VWA8: variants seen among roughly 807,000 people sequenced by gnomAD.
The protein encoded by VWA8 is von Willebrand factor A domain-containing protein 8.
VWA8 carries 221 observed loss-of-function variants against 241.5 expected under a neutral mutation model. The ratio of observed to expected loss-of-function variants is 0.91; its 90% CI spans 0.82 to 1.02. The LOEUF is 1.02. VWA8 is among the 50% of genes least tolerant of loss of function. The pLI is 0.00. For missense variants in VWA8, 2,322 were observed against 2,328.7 expected, an observed-to-expected ratio of 1.00 and a Z score of 0.06; for synonymous variants, 852 against 827.1, an observed-to-expected ratio of 1.03 and a Z score of -0.52.
At chr13:41,910,476 T>A (rs184920372) in intron 3 of VWA8, among the ~76,000 whole-genome samples, 1 of 151,266 alleles carries the variant, frequency 6.6e-6, no homozygotes, top group East Asian at 1.9e-4. Flanking sequence ...TCCCAGCTAA[T>A]GAGAAGCTGA....
chr13:41,824,928 T>A (rs532922853), intron 14 of VWA8, among the ~76,000 whole-genome samples: 2 of 151,776 alleles, frequency 1.3e-5, no homozygotes, highest in East Asian at 1.9e-4. Context: ...AGTATATCAA[T>A]GACAGATAAG....
intron 21 of VWA8, among the ~76,000 whole-genome samples, chr13:41,757,428 C>A (rs974204332): frequency 1.3e-5 from 2 of 151,710 alleles, no homozygotes; most frequent in African/African-American, 4.8e-5. Context: ...TATTAGTCTT[C>A]TTTTCAAAAA....
chr13:41,636,825 C>T (rs1268223749), intron 37 of VWA8, among the ~76,000 whole-genome samples: 1 of 152,160 alleles, frequency 6.6e-6, no homozygotes, highest in Non-Finnish European at 1.5e-5. Flanking sequence ...TGTTCATCAT[C>T]ACTGGCCATC....
At position 41,879,935 on chromosome 13, in the gene VWA8, A is replaced by G. The variant is rs79209599; in HGVS notation, c.1080+3452T>C. Among the ~76,000 whole-genome samples the G allele has an allele frequency of 6.8e-3, 1,033 of 152,332 alleles. 14 individuals carry two copies. Among genetic ancestry groups the G allele is most frequent in the African/African-American group, 0.024 (986 of 41,578 alleles). On this transcript the variant is annotated intron_variant, in intron 9 of 44. Transcript: ENST00000379310. ...CACACCTTGAGCCAAACCATGTAAG[A>G]AAAACAAAAACCATCTTTCATATGG... is the stretch of plus-strand genomic sequence containing the variant.
intron 40 of VWA8, among the ~76,000 whole-genome samples, chr13:41,594,603 C>CG (rs1231476340): frequency 1.3e-5 from 2 of 151,966 alleles, no homozygotes; most frequent in Non-Finnish European, 2.9e-5. Flanking sequence ...GTCAAGATGA[C>CG]GGGTAGAGGG....
At chr13:41,620,571 A>AT (rs2044650472) in intron 37 of VWA8, among the ~76,000 whole-genome samples, 2 of 151,914 alleles carry the variant, frequency 1.3e-5, no homozygotes, top group Admixed American at 6.6e-5. Context: ...TAGGGTGTTG[A>AT]TTTTAGATCT....
chr13:41,823,285 C>T (rs935076903), intron 14 of VWA8, among the ~76,000 whole-genome samples: 1 of 151,910 alleles, frequency 6.6e-6, no homozygotes, highest in Non-Finnish European at 1.5e-5. Context: ...TTATGTTCAC[C>T]GCTAAGATTG....
chr13:41,838,255 A>G (rs1871833057), intron 12 of VWA8, among the ~76,000 whole-genome samples: 1 of 152,170 alleles, frequency 6.6e-6, no homozygotes, highest in South Asian at 2.1e-4. Flanking sequence ...ACTCAATAAA[A>G]TAACTGTACA....
intron 9 of VWA8, among the ~76,000 whole-genome samples, chr13:41,881,985 G>A (rs1455533275): frequency 6.6e-6 from 1 of 151,100 alleles, no homozygotes; most frequent in Non-Finnish European, 1.5e-5. Context: ...CTGCCGGGAC[G>A]GAGGGGCTCC....
rs565527664 is a variant in VWA8, at chr13:41,818,175, C to T, written c.1869+1043G>A. ...ACGAGGTTTCACCATGTTGGCCAGC[C>T]TGGTCTCGAACTCCTGACCTCAGGT... On this transcript the variant is annotated intron_variant, in intron 15 of 44. Transcript: ENST00000379310. Among the ~76,000 whole-genome samples the T allele has an allele frequency of 2.0e-5, 3 of 151,798 alleles. No individual in the cohort carries two copies. In the South Asian group the frequency reaches 6.3e-4, roughly 32 times the overall value.
chr13:41,619,506 G>A (rs1011895040), intron 37 of VWA8, among the ~76,000 whole-genome samples: 1 of 152,150 alleles, frequency 6.6e-6, no homozygotes, highest in African/African-American at 2.4e-5. Context: ...CCAACACTAT[G>A]TTGAATAGGA....
At chr13:41,808,182 T>A (rs189258266) in intron 17 of VWA8, among the ~76,000 whole-genome samples, 7 of 152,134 alleles carry the variant, frequency 4.6e-5, no homozygotes, top group Non-Finnish European at 8.8e-5. Context: ...AAAAAAACAC[T>A]GAGTATAGAA....
intron 40 of VWA8, among the ~76,000 whole-genome samples, chr13:41,603,701 G>A (rs1422717928): frequency 6.6e-6 from 1 of 151,978 alleles, no homozygotes; most frequent in South Asian, 2.1e-4. Context: ...CTCCCACCAG[G>A]GTGTGCTTTT....
intron 16 of VWA8, 43 bp from the exon 17 acceptor site, chr13:41,811,383 C>T: frequency 6.5e-7 from 1 of 1,527,920 alleles, no homozygotes; most frequent in Non-Finnish European, 9.0e-7. Flanking sequence ...CTTGTTTCAA[C>T]TTGCTAAAGT....
intron 37 of VWA8, among the ~76,000 whole-genome samples, chr13:41,629,347 GA>G (rs1166060366): frequency 6.6e-6 from 1 of 151,424 alleles, no homozygotes; most frequent in Non-Finnish European, 1.5e-5. Flanking sequence ...AATATGGAAG[GA>G]AAAAAAAGTA....
chr13:41,643,222 C>T (rs73466908), intron 37 of VWA8, among the ~76,000 whole-genome samples: 3,021 of 152,266 alleles, frequency 0.02, 117 homozygotes, highest in African/African-American at 0.068. Context: ...CATTTCCCTT[C>T]TAGTAACTGG....
At chr13:41,685,909 T>A (rs1382234658) in intron 34 of VWA8, among the ~76,000 whole-genome samples, 2 of 152,198 alleles carry the variant, frequency 1.3e-5, no homozygotes. Context: ...GTATTTATCC[T>A]TCCTAAGATC....
At chr13:41,879,390 C>A (rs1330771344) in intron 9 of VWA8, among the ~76,000 whole-genome samples, 1 of 149,960 alleles carries the variant, frequency 6.7e-6, no homozygotes, top group African/African-American at 2.5e-5. Context: ...CATACACACA[C>A]ACACACACAC....
intron 2 of VWA8, among the ~76,000 whole-genome samples, chr13:41,935,391 C>G (rs776897305): frequency 6.6e-6 from 1 of 151,906 alleles, no homozygotes; most frequent in Non-Finnish European, 1.5e-5. Context: ...TCAAAAGAAC[C>G]AAGAATTTTC....
Sources: allele counts gnomAD v4.1 joint callset (sites outside exome capture counted in the v4.1 genomes callset), GRCh38; gene constraint gnomAD v4.1.1; transcripts MANE v1.5; gene names NCBI Gene and HGNC (gene_info 2026-07-23, HGNC 2026-07-21).